The following KIAA1671 variants were observed in gnomAD, a reference collection of about 807,000 sequenced individuals.
KIAA1671 encodes KIAA1671.
KIAA1671 carries 52 observed loss-of-function variants against 131.2 expected under a neutral mutation model. The observed-to-expected ratio is 0.40, with a 90% CI of 0.32 to 0.50. KIAA1671 has a LOEUF of 0.50. Ranked by LOEUF, KIAA1671 falls within the 20% of genes least tolerant of loss-of-function variation. The pLI, the probability that KIAA1671 is intolerant of heterozygous loss-of-function variation, is 0.73. For synonymous variants in KIAA1671, 1,003 were observed against 961.6 expected, an observed-to-expected ratio of 1.04 and a Z score of -0.80; for missense variants, 2,360 against 2,364.2, an observed-to-expected ratio of 1.00 and a Z score of 0.04.
chr22:24,966,826 C>A (rs1001543866), intron 1 of KIAA1671, among the ~76,000 whole-genome samples: 1 of 150,984 alleles, frequency 6.6e-6, no homozygotes, highest in African/African-American at 2.4e-5. Context: ...TGATGGTGCA[C>A]ACACCTGTAG....
intron 4 of KIAA1671, among the ~76,000 whole-genome samples, chr22:25,037,213 C>G (rs1302977846): frequency 6.6e-6 from 1 of 151,922 alleles, no homozygotes; most frequent in Non-Finnish European, 1.5e-5. Context: ...CTTTCAGCTA[C>G]TCGGGAGGCT....
chr22:25,165,051 CTG>C (rs1933601254), intron 6 of KIAA1671, among the ~76,000 whole-genome samples: 1 of 148,892 alleles, frequency 6.7e-6, no homozygotes, highest in South Asian at 2.1e-4. Context: ...CCTCGTAGCT[CTG>C]GGGCTAAGCT....
At chr22:25,038,198 C>A (rs992776223) in intron 4 of KIAA1671, among the ~76,000 whole-genome samples, 1 of 152,054 alleles carries the variant, frequency 6.6e-6, no homozygotes, top group East Asian at 1.9e-4. Context: ...GACAAGGTCT[C>A]ACTATTTTGC....
chr22:25,026,750 G>T (rs1925964447), intron 2 of KIAA1671, among the ~76,000 whole-genome samples: 1 of 151,948 alleles, frequency 6.6e-6, no homozygotes, highest in East Asian at 1.9e-4. Context: ...AAAAGACAGA[G>T]CTAAGTGGGT....
Position 25,088,216 on chromosome 22 carries a change from T to C in KIAA1671, c.4530+38852T>C, listed in dbSNP as rs181700195. Among the ~76,000 whole-genome samples, 241 of 152,092 alleles carry C rather than the reference T, an allele frequency of 1.6e-3. 5 individuals are homozygous for C. In the South Asian group the frequency reaches 0.032, roughly 20 times the overall value. On this transcript the variant is annotated intron_variant, in intron 6 of 12. Coordinates refer to ENST00000358431, the MANE Select transcript of KIAA1671 (RefSeq NM_001145206.2). ...TCTGCCTCTGAGGTTCAAGCGATCC[T>C]CGTGCCTCAGCCTCCTGAGTAACTG...
At chr22:25,065,653 T>A (rs9306407) in intron 6 of KIAA1671, among the ~76,000 whole-genome samples, 33,449 of 149,854 alleles carry the variant, frequency 0.22, 5,171 homozygotes, top group African/African-American at 0.45. Context: ...TATTATTTTT[T>A]TTTTTTTGAG....
chr22:24,979,973 T>C (rs1387205005), intron 1 of KIAA1671, among the ~76,000 whole-genome samples: 1 of 152,034 alleles, frequency 6.6e-6, no homozygotes, highest in Admixed American at 6.6e-5. Context: ...TCTCTTTTTT[T>C]TTTTTTTCTT....
intron 6 of KIAA1671, among the ~76,000 whole-genome samples, chr22:25,085,732 A>T (rs1246991877): frequency 6.9e-6 from 1 of 145,400 alleles, no homozygotes; most frequent in Admixed American, 6.8e-5. Flanking sequence ...GTAAGTGTCC[A>T]ATATATGTTG....
At chr22:25,099,534 TG>T (rs1568954903) in intron 6 of KIAA1671, among the ~76,000 whole-genome samples, 1 of 124,702 alleles carries the variant, frequency 8.0e-6, no homozygotes, top group African/African-American at 3.2e-5. Flanking sequence ...TTTCAAAATG[TG>T]GGTTTTTTTG....
chr22:25,190,691 T>C lies in KIAA1671; in HGVS notation c.5343-11T>C. Reference sequence around the variant, plus strand: ...GTTTCAACTAGTCTCTTACTGGCTTTGTGGTTTCAGGTCGGATGAACCCTC... The same window carrying C: ...GTTTCAACTAGTCTCTTACTGGCTTCGTGGTTTCAGGTCGGATGAACCCTC... On this transcript the variant is annotated splice_polypyrimidine_tract_variant and intron_variant, in intron 11 of 12. Transcript: ENST00000358431. 4 of 1,550,544 alleles carry C rather than the reference T, an allele frequency of 2.6e-6. No homozygotes were observed. Among genetic ancestry groups the C allele is most frequent in the Non-Finnish European group, 3.5e-6 (4 of 1,145,862 alleles).
At chr22:25,185,263 G>A in intron 11 of KIAA1671, 144 bp downstream of exon 11, 1 of 948,432 alleles carries the variant, frequency 1.1e-6, no homozygotes, top group Non-Finnish European at 1.5e-6. Context: ...TTGTTCATGA[G>A]AATTCTCAAT....
chr22:25,154,694 C>T (rs1933168721), intron 6 of KIAA1671, among the ~76,000 whole-genome samples: 1 of 152,194 alleles, frequency 6.6e-6, no homozygotes. Context: ...GGGTGTTCAT[C>T]AACAAAGGAC....
At chr22:25,165,217 A>G (rs759607459) in intron 6 of KIAA1671, among the ~76,000 whole-genome samples, 1 of 152,140 alleles carries the variant, frequency 6.6e-6, no homozygotes, top group Non-Finnish European at 1.5e-5. Flanking sequence ...CCCTTAGGTA[A>G]CCCTAGCCCC....
At chr22:25,036,307 C>G (rs996300584) in intron 4 of KIAA1671, among the ~76,000 whole-genome samples, 2 of 151,512 alleles carry the variant, frequency 1.3e-5, no homozygotes, top group Non-Finnish European at 2.9e-5. Context: ...CTCGAACTCC[C>G]GACCTCAGGT....
intron 4 of KIAA1671, among the ~76,000 whole-genome samples, chr22:25,034,667 A>G (rs1926490168): frequency 9.9e-5 from 15 of 152,126 alleles, no homozygotes; most frequent in Non-Finnish European, 2.9e-5. Context: ...TGCTGTGAAC[A>G]TTTGTGGACA....
chr22:25,025,080 C>T (rs1014215714), intron 1 of KIAA1671, among the ~76,000 whole-genome samples: 1 of 151,260 alleles, frequency 6.6e-6, no homozygotes, highest in African/African-American at 2.4e-5. Flanking sequence ...GTCCAAATAC[C>T]GCTAATGTAG....
chr22:24,967,151 AC>A (rs1240962335), intron 1 of KIAA1671, among the ~76,000 whole-genome samples: 3 of 152,166 alleles, frequency 2.0e-5, no homozygotes, highest in African/African-American at 7.2e-5. Flanking sequence ...AAGAATTAAA[AC>A]CAGCCTTTTA....
At chr22:25,067,024 C>T (rs1002105221) in intron 6 of KIAA1671, among the ~76,000 whole-genome samples, 4 of 152,164 alleles carry the variant, frequency 2.6e-5, no homozygotes, top group Non-Finnish European at 5.9e-5. Context: ...TGCAGCCACA[C>T]TCCCCGGGCT....
intron 6 of KIAA1671, among the ~76,000 whole-genome samples, chr22:25,136,596 C>G (rs531341147): frequency 1.3e-5 from 2 of 152,270 alleles, no homozygotes; most frequent in East Asian, 1.9e-4. Flanking sequence ...GTTTTTGCCT[C>G]CATTTGTCCC....
Sources: allele counts gnomAD v4.1 joint callset (sites outside exome capture counted in the v4.1 genomes callset), GRCh38; gene constraint gnomAD v4.1.1; transcripts MANE v1.5; gene names NCBI Gene and HGNC (gene_info 2026-07-23, HGNC 2026-07-21).